SYNPR: variants seen among roughly 807,000 people sequenced by gnomAD.
SYNPR encodes synaptoporin.
In SYNPR, 23 loss-of-function variants were observed where a neutral mutation model predicts 32.9. That is an observed-to-expected ratio of 0.70 (90% CI 0.50 to 0.99). The LOEUF is 0.99. Ranked by LOEUF, SYNPR falls within the 50% of genes least tolerant of loss-of-function variation. SYNPR has a pLI of 0.00. For missense variants in SYNPR, 318 were observed against 349.3 expected, an observed-to-expected ratio of 0.91 and a Z score of 0.71; for synonymous variants, 146 against 135.9, an observed-to-expected ratio of 1.07 and a Z score of -0.52.
intron 2 of SYNPR, among the ~76,000 whole-genome samples, chr3:63,472,990 G>A (rs1189978185): frequency 2.0e-5 from 3 of 151,984 alleles, no homozygotes; most frequent in Admixed American, 6.6e-5. Flanking sequence ...TGTCGTTTTT[G>A]GATCCCTGGT....
intron 3 of SYNPR, among the ~76,000 whole-genome samples, chr3:63,544,750 G>T (rs1200814907): frequency 6.6e-6 from 1 of 151,974 alleles, no homozygotes; most frequent in South Asian, 2.1e-4. Flanking sequence ...TTAGTAATCA[G>T]ACTTACACCT....
At chr3:63,246,301 T>C (rs1437670366) in intron 1 of SYNPR, among the ~76,000 whole-genome samples, 1 of 152,148 alleles carries the variant, frequency 6.6e-6, no homozygotes, top group Non-Finnish European at 1.5e-5. Flanking sequence ...ACTCCTTTTA[T>C]TGACATCTTA....
rs2086772153 is a variant in SYNPR, at chr3:63,294,310, T to C, written c.84+15568T>C. 3.3e-5 allele frequency among the ~76,000 whole-genome samples: 5 copies of C among 152,212 alleles called. No homozygotes were observed. The South Asian group carries it at 1.0e-3, about 31-fold the overall frequency. ...GAAGAATTACCAAATTACCCTCCAATGAGGTGTTATCAGTTGGGTATTACC... is the reference window on the plus strand; with the variant it reads ...GAAGAATTACCAAATTACCCTCCAACGAGGTGTTATCAGTTGGGTATTACC... On this transcript the variant is annotated intron_variant, in intron 2 of 5. Transcript: ENST00000478300.
At chr3:63,426,292 T>C (rs1699891570) in intron 2 of SYNPR, among the ~76,000 whole-genome samples, 1 of 152,192 alleles carries the variant, frequency 6.6e-6, no homozygotes, top group African/African-American at 2.4e-5. Context: ...TTACTTTCAC[T>C]AATTAGGCAC....
intron 2 of SYNPR, among the ~76,000 whole-genome samples, chr3:63,428,408 G>A (rs750240654): frequency 2.0e-5 from 3 of 152,162 alleles, no homozygotes; most frequent in Non-Finnish European, 4.4e-5. Context: ...ATAAATTATT[G>A]TATGTTCACT....
rs35633964 is a variant in SYNPR, at chr3:63,527,382, T to TA, written c.210-29151dup. Among the ~76,000 whole-genome samples, 442 of 149,968 alleles carry TA rather than the reference T, an allele frequency of 2.9e-3. 6 individuals are homozygous for TA. Among genetic ancestry groups the TA allele is most frequent in the East Asian group, 0.026 (131 of 5,072 alleles). Reference sequence around the variant, plus strand: ...CCACAGTCTTCCCTTTCCTTTCCATTAAAAAAAAAATTCAGAAAGCACTGT... The same window carrying TA: ...CCACAGTCTTCCCTTTCCTTTCCATTAAAAAAAAAAATTCAGAAAGCACTGT... On this transcript the variant is annotated intron_variant, in intron 3 of 5. Coordinates refer to ENST00000478300, the MANE Select transcript of SYNPR (RefSeq NM_001130003.2).
chr3:63,423,169 A>G (rs1361140573), intron 2 of SYNPR, among the ~76,000 whole-genome samples: 1 of 152,206 alleles, frequency 6.6e-6, no homozygotes, highest in Non-Finnish European at 1.5e-5. Context: ...ACTTTGGGAG[A>G]AAAGGGAATA....
At chr3:63,608,136 C>G (rs1328419745) in intron 4 of SYNPR, among the ~76,000 whole-genome samples, 3 of 151,992 alleles carry the variant, frequency 2.0e-5, no homozygotes, top group Non-Finnish European at 2.9e-5. Context: ...TTCTAATAGT[C>G]TAAATCTTAG....
chr3:63,559,665 A>G (rs1702651716), intron 4 of SYNPR, among the ~76,000 whole-genome samples: 2 of 144,082 alleles, frequency 1.4e-5, no homozygotes, highest in South Asian at 4.3e-4. Context: ...TAACTTAAAA[A>G]AAGAGTAACA....
intron 3 of SYNPR, among the ~76,000 whole-genome samples, chr3:63,510,042 G>A (rs555222614): frequency 2.6e-5 from 4 of 151,974 alleles, no homozygotes; most frequent in Non-Finnish European, 4.4e-5. Context: ...TAGACACAGC[G>A]GTACTATTTG....
At chr3:63,409,101 T>G (rs1304531574) in intron 2 of SYNPR, among the ~76,000 whole-genome samples, 1 of 152,156 alleles carries the variant, frequency 6.6e-6, no homozygotes, top group Non-Finnish European at 1.5e-5. Context: ...TGTTCCAATG[T>G]TATCATGGCA....
chr3:63,366,304 G>A (rs1230189689), intron 2 of SYNPR, among the ~76,000 whole-genome samples: 1 of 152,030 alleles, frequency 6.6e-6, no homozygotes, highest in African/African-American at 2.4e-5. Flanking sequence ...TGGGAGGGGT[G>A]ATAAGAGGAA....
intron 2 of SYNPR, among the ~76,000 whole-genome samples, chr3:63,346,254 T>C (rs1183317074): frequency 7.9e-5 from 12 of 152,222 alleles, no homozygotes; most frequent in Non-Finnish European, 1.6e-4. Context: ...ATCCTGTTAC[T>C]GGAATTTTTA....
intron 2 of SYNPR, chr3:63,443,373 G>T: frequency 6.4e-7 from 1 of 1,566,462 alleles, no homozygotes; most frequent in South Asian, 1.2e-5. Flanking sequence ...GGACAGAGAA[G>T]CTTTATTTTT....
In SYNPR at chr3:63,615,216, T is replaced by C. The variant is rs1443383188; in HGVS notation, c.601-8T>C. On this transcript the variant is annotated splice_region_variant and splice_polypyrimidine_tract_variant and intron_variant, in intron 5 of 5. Coordinates refer to ENST00000478300, the MANE Select transcript of SYNPR (RefSeq NM_001130003.2). ...TCTATCAATTCATTGGCTTTGATTC[T>C]CCTTCAGGTCTTTGGATTCTTGAAC... is the stretch of plus-strand genomic sequence containing the variant. 2 of 1,611,818 alleles carry C rather than the reference T, an allele frequency of 1.2e-6. No homozygotes were observed. The highest frequency in any genetic ancestry group is 3.3e-5 in the Admixed American group (2 of 59,754).
intron 2 of SYNPR, among the ~76,000 whole-genome samples, chr3:63,253,321 T>A (rs2086352633): frequency 2.0e-5 from 3 of 152,152 alleles, no homozygotes. Context: ...AACATGATTG[T>A]TCTCCAAGCT....
chr3:63,221,968 TAGA>T, the SYNPR span, among the ~76,000 whole-genome samples: 3 of 150,016 alleles, frequency 2.0e-5, no homozygotes, highest in African/African-American at 7.4e-5. Context: ...AAAGCAGCAG[TAGA>T]AGATTATCTT....
chr3:63,245,877 T>C (rs1195016079), intron 1 of SYNPR, among the ~76,000 whole-genome samples: 1 of 152,036 alleles, frequency 6.6e-6, no homozygotes, highest in Non-Finnish European at 1.5e-5. Context: ...GTCTGAATAT[T>C]CATTAAATTT....
At chr3:63,359,465 A>G (rs2087628955) in intron 2 of SYNPR, among the ~76,000 whole-genome samples, 1 of 152,218 alleles carries the variant, frequency 6.6e-6, no homozygotes, top group African/African-American at 2.4e-5. Context: ...ACCAGAAAAT[A>G]AAAAGCAAAT....
Sources: gnomAD v4.1 joint callset for allele counts (sites outside exome capture counted in the v4.1 genomes callset) on GRCh38, gnomAD v4.1.1 for gene constraint, MANE v1.5 for transcripts, NCBI Gene and HGNC (gene_info 2026-07-23, HGNC 2026-07-21) for gene names.